The following IMMP2L variants were observed in gnomAD, a reference collection of about 807,000 sequenced individuals.
IMMP2L encodes mitochondrial inner membrane protease subunit 2.
Under a neutral mutation model 19.3 loss-of-function variants are expected in IMMP2L, and 18 were observed. That is an observed-to-expected ratio of 0.93 (90% CI 0.64 to 1.38). IMMP2L has a LOEUF of 1.38. Ranked by LOEUF, IMMP2L falls within the 40% of genes most tolerant of loss-of-function variation. IMMP2L has a pLI of 0.00. For missense variants in IMMP2L, 233 were observed against 218.2 expected (o/e 1.07, Z -0.43); for synonymous variants, 76 against 73.0 (o/e 1.04, Z -0.21).
rs1378615720 is a variant in IMMP2L at position 110,758,351 on chromosome 7, C to T, written c.409-94630G>A. Reference sequence around the variant, plus strand: ...AGAAAAGGAGAGAAATAGGAAGTCACTGGAGGCAGAAGCAGAGAGACAGAG... The same window carrying T: ...AGAAAAGGAGAGAAATAGGAAGTCATTGGAGGCAGAAGCAGAGAGACAGAG... On this transcript the variant is annotated intron_variant, in intron 5 of 5. Transcript: ENST00000405709. The surrounding 1 kb of genome is among the most constrained non-coding windows in gnomAD (Gnocchi z 4.6). 6.6e-6 allele frequency among the ~76,000 whole-genome samples: 1 copy of T among 151,990 alleles called. No homozygotes were observed. The highest frequency in any genetic ancestry group is 6.6e-5 in the Admixed American group (1 of 15,222).
chr7:111,449,059 A>G (rs1838846893), intron 3 of IMMP2L, among the ~76,000 whole-genome samples: 1 of 151,574 alleles, frequency 6.6e-6, no homozygotes, highest in South Asian at 2.1e-4. Context: ...AAATTGTGGC[A>G]ATAATCAATA....
At chr7:111,024,454 A>C (rs1045757547) in intron 3 of IMMP2L, among the ~76,000 whole-genome samples, 2 of 152,100 alleles carry the variant, frequency 1.3e-5, no homozygotes, top group Non-Finnish European at 2.9e-5. Context: ...TCTCAGCTCC[A>C]TCACCTCAAC....
intron 3 of IMMP2L, among the ~76,000 whole-genome samples, chr7:111,301,527 T>C (rs949483950): frequency 3.6e-4 from 55 of 152,240 alleles, no homozygotes; most frequent in Middle Eastern, 3.4e-3. Flanking sequence ...AAGAACTGAT[T>C]GCCTAGCCCT....
At chr7:110,691,141 A>G (rs927603807) in intron 5 of IMMP2L, among the ~76,000 whole-genome samples, 2 of 152,164 alleles carry the variant, frequency 1.3e-5, no homozygotes, top group African/African-American at 4.8e-5. Flanking sequence ...ATGGATCAGA[A>G]TAGAGAACCC....
chr7:111,451,397 T>G (rs1839154638), intron 3 of IMMP2L, among the ~76,000 whole-genome samples: 1 of 149,344 alleles, frequency 6.7e-6, no homozygotes, highest in African/African-American at 2.5e-5. Flanking sequence ...AAATGATGAG[T>G]TCATGTCCTT....
intron 3 of IMMP2L, among the ~76,000 whole-genome samples, chr7:111,050,482 C>T (rs1392391325): frequency 6.6e-6 from 1 of 152,194 alleles, no homozygotes; most frequent in Non-Finnish European, 1.5e-5. Flanking sequence ...CACTCTCTCT[C>T]ACCCCGTTTC....
Position 110,669,770 on chromosome 7 carries a change from A to C in IMMP2L, c.409-6049T>G, listed in dbSNP as rs1056018482. ...ACTCAAATGCATGAACTCTGGTTCT[A>C]GAAGCTTTCTATCAGGATCACCATA... On this transcript the variant is annotated intron_variant, in intron 5 of 5. Coordinates refer to ENST00000405709, the MANE Select transcript of IMMP2L (RefSeq NM_032549.4). Among the ~76,000 whole-genome samples the C allele has an allele frequency of 7.9e-5, 12 of 152,214 alleles. 1 individual carries two copies. Among genetic ancestry groups the C allele is most frequent in the African/African-American group, 2.9e-4 (12 of 41,456 alleles).
intron 3 of IMMP2L, among the ~76,000 whole-genome samples, chr7:111,344,179 T>A (rs1827305342): frequency 6.6e-6 from 1 of 152,236 alleles, no homozygotes; most frequent in Admixed American, 6.5e-5. Context: ...CTTCCTACCA[T>A]CCTATTAATG....
intron 3 of IMMP2L, among the ~76,000 whole-genome samples, chr7:111,387,205 C>A (rs73718207): frequency 0.018 from 2,716 of 152,196 alleles, 94 homozygotes; most frequent in African/African-American, 0.063. Context: ...ACATAAAGTG[C>A]AGAGTACTTT....
chr7:111,424,166 C>G (rs934783030), intron 3 of IMMP2L, among the ~76,000 whole-genome samples: 1 of 151,808 alleles, frequency 6.6e-6, no homozygotes. Context: ...TTAATGTTTA[C>G]GAATGCAAAC....
chr7:111,310,898 T>G (rs1823442332), intron 3 of IMMP2L, among the ~76,000 whole-genome samples: 1 of 152,160 alleles, frequency 6.6e-6, no homozygotes, highest in Non-Finnish European at 1.5e-5. Context: ...CTGATTAAAT[T>G]TAAAACAGAG....
intron 3 of IMMP2L, among the ~76,000 whole-genome samples, chr7:111,348,150 AG>A (rs1385911937): frequency 1.9e-5 from 1 of 52,318 alleles, no homozygotes. Context: ...GGGTGGGGGG[AG>A]GGGGGAGGGA....
chr7:111,202,547 C>T (rs778792178), intron 3 of IMMP2L, among the ~76,000 whole-genome samples: 1 of 152,148 alleles, frequency 6.6e-6, no homozygotes, highest in South Asian at 2.1e-4. Flanking sequence ...AATTCAAGTG[C>T]CTCCACTTTG....
At chr7:111,124,686 G>A in intron 3 of IMMP2L, 1 of 1,613,904 alleles carries the variant, frequency 6.2e-7, no homozygotes, top group Non-Finnish European at 8.5e-7. Flanking sequence ...GCCTTCTGGG[G>A]ATTATTGGTG....
At position 111,123,890 on chromosome 7, in the gene IMMP2L, A is replaced by G; in HGVS notation, c.240-160325T>C. On this transcript the variant is annotated intron_variant, in intron 3 of 5. Transcript: ENST00000405709. The surrounding 1 kb of genome is among the most constrained non-coding windows in gnomAD (Gnocchi z 6.4). The stretch of plus-strand genomic sequence containing the variant: ...ATACACAGTAACCCCATCAGGTGTG[A>G]CTGTGTCATCCGTTGGATGAACATG... 6.2e-7 allele frequency: 1 copy of G among 1,614,034 alleles called. No homozygotes were observed. Among genetic ancestry groups the G allele is most frequent in the Non-Finnish European group, 8.5e-7 (1 of 1,179,998 alleles).
intron 3 of IMMP2L, among the ~76,000 whole-genome samples, chr7:111,480,980 T>C (rs528095509): frequency 6.6e-6 from 1 of 152,264 alleles, no homozygotes; most frequent in African/African-American, 2.4e-5. Flanking sequence ...GTTTTTCTTT[T>C]TTCAAATGCT....
chr7:111,072,356 C>G (rs1039782157), intron 3 of IMMP2L, among the ~76,000 whole-genome samples: 4 of 152,152 alleles, frequency 2.6e-5, no homozygotes, highest in Non-Finnish European at 5.9e-5. Flanking sequence ...GTGGAGAAAC[C>G]TGGCAGATAC....
intron 3 of IMMP2L, among the ~76,000 whole-genome samples, chr7:111,243,337 T>C (rs1445037354): frequency 1.3e-5 from 2 of 152,086 alleles, no homozygotes; most frequent in Non-Finnish European, 2.9e-5. Flanking sequence ...AACTGAGGCA[T>C]GTTGACAGGA....
chr7:110,954,132 G>A (rs762887724), intron 4 of IMMP2L, among the ~76,000 whole-genome samples: 2 of 151,996 alleles, frequency 1.3e-5, no homozygotes, highest in Non-Finnish European at 2.9e-5. Context: ...ATGCTTTAGT[G>A]TTGTTTGAAT....
Sources: allele counts gnomAD v4.1 joint callset (sites outside exome capture counted in the v4.1 genomes callset), GRCh38; gene constraint gnomAD v4.1.1; non-coding constraint Gnocchi (gnomAD v3.1); transcripts MANE v1.5; gene names NCBI Gene and HGNC (gene_info 2026-07-23, HGNC 2026-07-21).